CNTN5: variants seen among roughly 807,000 people sequenced by gnomAD.
CNTN5 encodes the protein contactin-5.
A neutral mutation model predicts 129.1 loss-of-function variants in CNTN5; 77 were observed. The observed-to-expected ratio is 0.60, with a 90% CI of 0.50 to 0.72. CNTN5 has a LOEUF of 0.72. Among genes scored for constraint, CNTN5 ranks in the 30% least tolerant of loss-of-function variants. The pLI is 0.00. For synonymous variants in CNTN5, 509 were observed against 465.6 expected, an observed-to-expected ratio of 1.09 and a Z score of -1.20; for missense variants, 1,478 against 1,328.8, an observed-to-expected ratio of 1.11 and a Z score of -1.75.
At chr11:99,220,710 A>G (rs1200757897) in intron 1 of CNTN5, among the ~76,000 whole-genome samples, 1 of 151,994 alleles carries the variant, frequency 6.6e-6, no homozygotes, top group Non-Finnish European at 1.5e-5. Context: ...GAAGTGGCAC[A>G]AATCAAAAGG....
At chr11:99,578,127 T>C (rs1024820722) in intron 3 of CNTN5, among the ~76,000 whole-genome samples, 2 of 151,996 alleles carry the variant, frequency 1.3e-5, no homozygotes, top group African/African-American at 2.4e-5. Context: ...TGGTTTCCAG[T>C]TTCATCCATG....
intron 3 of CNTN5, among the ~76,000 whole-genome samples, chr11:99,634,932 A>G (rs904664040): frequency 6.6e-6 from 1 of 152,152 alleles, no homozygotes; most frequent in Non-Finnish European, 1.5e-5. Flanking sequence ...TCACCGGTGT[A>G]ATTAACGTAA....
At chr11:99,960,116 T>C (rs1211053190) in intron 8 of CNTN5, among the ~76,000 whole-genome samples, 1 of 152,182 alleles carries the variant, frequency 6.6e-6, no homozygotes, top group African/African-American at 2.4e-5. Flanking sequence ...TATCTGCACG[T>C]CTTGGTTACT....
intron 6 of CNTN5, among the ~76,000 whole-genome samples, chr11:99,847,161 A>G (rs1490796134): frequency 6.6e-6 from 1 of 152,196 alleles, no homozygotes; most frequent in Non-Finnish European, 1.5e-5. Context: ...TATAGCCTGT[A>G]TGTCAGTTGT....
intron 3 of CNTN5, among the ~76,000 whole-genome samples, chr11:99,559,088 C>T (rs986950997): frequency 6.6e-6 from 1 of 151,972 alleles, no homozygotes; most frequent in Admixed American, 6.6e-5. Flanking sequence ...CTCTATATTG[C>T]CCTCACTATT....
chr11:99,637,043 T>TAAAAAAAAAAAAAAAAAAAAAAAAA (rs763109822), intron 3 of CNTN5, among the ~76,000 whole-genome samples: 15 of 95,810 alleles, frequency 1.6e-4, no homozygotes, highest in Non-Finnish European at 1.8e-4. Flanking sequence ...AAAAAAAAAG[T>TAAAAAAAAAAAAAAAAAAAAAAAAA]AAATGACTCT....
chr11:99,540,291 G>A (rs561090472), intron 2 of CNTN5, among the ~76,000 whole-genome samples: 26 of 152,088 alleles, frequency 1.7e-4, no homozygotes, highest in Non-Finnish European at 3.4e-4. Context: ...TGCATACAAT[G>A]TATATTTGAT....
At chr11:100,240,933 A>G in intron 16 of CNTN5, among the ~76,000 whole-genome samples, 1 of 152,232 alleles carries the variant, frequency 6.6e-6, no homozygotes, top group South Asian at 2.1e-4. Context: ...GAGACTGAAC[A>G]AATGTAAAAG....
chr11:100,004,331 G>A (rs929876125), intron 9 of CNTN5, among the ~76,000 whole-genome samples: 2 of 152,036 alleles, frequency 1.3e-5, no homozygotes, highest in Non-Finnish European at 2.9e-5. Flanking sequence ...TGCACTTGCT[G>A]TTTCTTACAC....
chr11:99,654,240 T>A (rs1952265830), intron 3 of CNTN5, among the ~76,000 whole-genome samples: 1 of 152,024 alleles, frequency 6.6e-6, no homozygotes, highest in Admixed American at 6.6e-5. Context: ...GCTGTGTGTA[T>A]TAGAATTGTT....
intron 1 of CNTN5, among the ~76,000 whole-genome samples, chr11:99,180,751 C>A (rs1256065183): frequency 6.6e-6 from 1 of 151,970 alleles, no homozygotes; most frequent in African/African-American, 2.4e-5. Flanking sequence ...AAGGCATAGT[C>A]GATATAGATT....
intron 9 of CNTN5, among the ~76,000 whole-genome samples, chr11:100,017,543 A>G (rs900427041): frequency 6.2e-4 from 95 of 152,118 alleles, no homozygotes; most frequent in African/African-American, 1.2e-3. Context: ...AAATTGGCAT[A>G]TATAAACACT....
intron 3 of CNTN5, among the ~76,000 whole-genome samples, chr11:99,732,962 A>G (rs1281867236): frequency 6.6e-6 from 1 of 152,182 alleles, no homozygotes; most frequent in Non-Finnish European, 1.5e-5. Flanking sequence ...GCATAAAAAA[A>G]GCAGAGGGCT....
rs943083312 is a variant in CNTN5 at position 99,594,595 on chromosome 11, G to A, written c.55+38326G>A. ...GTGGGATTTGTGGTTCACTTTGGCC[G>A]GTTCTATCAATATGAGCTCTTAACT... On this transcript the variant is annotated intron_variant, in intron 3 of 24. Coordinates refer to ENST00000524871, the MANE Select transcript of CNTN5 (RefSeq NM_014361.4). Among the ~76,000 whole-genome samples the A allele has an allele frequency of 4.6e-5, 7 of 152,088 alleles. No individual in the cohort carries two copies. In the East Asian group the frequency reaches 9.6e-4, roughly 21 times the overall value.
At chr11:99,683,674 A>G (rs932072645) in intron 3 of CNTN5, among the ~76,000 whole-genome samples, 1 of 151,840 alleles carries the variant, frequency 6.6e-6, no homozygotes, top group African/African-American at 2.4e-5. Flanking sequence ...AAAAAGAATG[A>G]GGTTTGTTTG....
At chr11:99,987,782 T>C (rs539474890) in intron 8 of CNTN5, among the ~76,000 whole-genome samples, 1 of 152,308 alleles carries the variant, frequency 6.6e-6, no homozygotes, top group African/African-American at 2.4e-5. Flanking sequence ...AATAAAGTCC[T>C]AGCATTTGAA....
Position 100,070,546 on chromosome 11 carries a change from C to T in CNTN5, c.1285C>T (p.Pro429Ser). 3 of 1,612,940 alleles carry T rather than the reference C, an allele frequency of 1.9e-6. No homozygotes were observed. Among genetic ancestry groups the T allele is most frequent in the Non-Finnish European group, 2.5e-6 (3 of 1,179,350 alleles). ...PTYRWLKNGV[P>S]LSPQSRVEMV... is the part of the protein sequence containing the mutation. ...GTATCGTTGGCTGAAGAATGGAGTA[C>T]CCCTCTCACCTCAGGTACTGTTGGG... Residue 429 changes from proline (P) to serine (S), a missense_variant, in exon 11 of 25, where the codon CCC becomes TCC. Transcript: ENST00000524871.
intron 6 of CNTN5, among the ~76,000 whole-genome samples, chr11:99,864,957 G>C (rs1948314846): frequency 6.6e-6 from 1 of 152,012 alleles, no homozygotes; most frequent in Non-Finnish European, 1.5e-5. Flanking sequence ...AACAATCATT[G>C]GCATATAATA....
At chr11:100,093,439 T>A (rs1408421122) in intron 13 of CNTN5, among the ~76,000 whole-genome samples, 1 of 150,092 alleles carries the variant, frequency 6.7e-6, no homozygotes, top group African/African-American at 2.4e-5. Flanking sequence ...TTTTTATTAT[T>A]TTTTTTTTAT....
Sources: allele counts gnomAD v4.1 joint callset (sites outside exome capture counted in the v4.1 genomes callset), GRCh38; gene constraint gnomAD v4.1.1; transcripts MANE v1.5; gene names NCBI Gene and HGNC (gene_info 2026-07-23, HGNC 2026-07-21).